Variants in LMX1A observed in about 807,000 individuals in gnomAD.
LMX1A encodes LIM homeobox transcription factor 1-alpha.
In LMX1A, 15 loss-of-function variants were observed where a neutral mutation model predicts 49.1. The ratio of observed to expected loss-of-function variants is 0.31; its 90% CI spans 0.20 to 0.47. The LOEUF is 0.47. LMX1A is among the 20% of genes least tolerant of loss of function. The pLI is 1.00. For missense variants in LMX1A, 372 were observed against 475.8 expected, an observed-to-expected ratio of 0.78 and a Z score of 2.03; for synonymous variants, 167 against 185.7, an observed-to-expected ratio of 0.90 and a Z score of 0.82.
At chr1:165,317,620 G>C (rs535421044) in intron 3 of LMX1A, among the ~76,000 whole-genome samples, 2 of 152,286 alleles carry the variant, frequency 1.3e-5, no homozygotes, top group South Asian at 4.1e-4. Context: ...AATAGAAGAG[G>C]ACAAAATCCT....
At chr1:165,232,132 A>G (rs1399090411) in intron 4 of LMX1A, among the ~76,000 whole-genome samples, 1 of 152,242 alleles carries the variant, frequency 6.6e-6, no homozygotes, top group East Asian at 1.9e-4. Context: ...CAAGGTCCAC[A>G]GAGCAGGGAA....
chr1:165,327,765 C>T (rs1265326766), intron 3 of LMX1A, among the ~76,000 whole-genome samples: 2 of 152,230 alleles, frequency 1.3e-5, no homozygotes, highest in Non-Finnish European at 2.9e-5. Flanking sequence ...AGCCCAAATC[C>T]AGTCCCTCTT....
chr1:165,224,054 G>A (rs546187322), intron 4 of LMX1A, among the ~76,000 whole-genome samples: 20 of 152,160 alleles, frequency 1.3e-4, no homozygotes, highest in Non-Finnish European at 1.6e-4. Flanking sequence ...TGGATCATGG[G>A]GGCAGTTTCT....
intron 4 of LMX1A, among the ~76,000 whole-genome samples, chr1:165,214,554 G>A (rs906622208): frequency 3.9e-5 from 6 of 152,176 alleles, no homozygotes; most frequent in African/African-American, 1.2e-4. Context: ...ATACCAGTAC[G>A]GCACTGAGTG....
At chr1:165,218,776 T>G (rs1651729327) in intron 4 of LMX1A, 1 of 152,124 alleles carries the variant, frequency 6.6e-6, no homozygotes, top group Admixed American at 6.6e-5. Flanking sequence ...AGCAGAGCAG[T>G]GAAGTGGAGG....
intron 3 of LMX1A, among the ~76,000 whole-genome samples, chr1:165,337,340 T>C (rs1390290507): frequency 6.6e-6 from 1 of 152,150 alleles, no homozygotes; most frequent in Non-Finnish European, 1.5e-5. Context: ...GAAGGGAAGA[T>C]TGAAAAGCAA....
rs572940131 is a variant in LMX1A at position 165,314,080 on chromosome 1, C to A, written c.263+38996G>T. 2.6e-4 allele frequency among the ~76,000 whole-genome samples: 39 copies of A among 152,294 alleles called. No individual in the cohort carries two copies. The South Asian group carries it at 5.0e-3, about 19-fold the overall frequency. Reference sequence around the variant, plus strand: ...AGTGTTAACAACAGAGAGAGGCAACCAAGCCAGCTCCCTAAGCCAGGCAGC... The same window carrying A: ...AGTGTTAACAACAGAGAGAGGCAACAAAGCCAGCTCCCTAAGCCAGGCAGC... On this transcript the variant is annotated intron_variant, in intron 3 of 8. Transcript: ENST00000342310.
chr1:165,230,997 A>C (rs950115287), intron 4 of LMX1A, among the ~76,000 whole-genome samples: 1 of 152,220 alleles, frequency 6.6e-6, no homozygotes, highest in African/African-American at 2.4e-5. Flanking sequence ...TAACACTCTG[A>C]ATATTTGTTA....
At chr1:165,324,740 T>C (rs1407495618) in intron 3 of LMX1A, among the ~76,000 whole-genome samples, 2 of 152,212 alleles carry the variant, frequency 1.3e-5, no homozygotes. Flanking sequence ...ATGATCTTTA[T>C]ACCAGCCTTA....
intron 8 of LMX1A, among the ~76,000 whole-genome samples, chr1:165,204,698 T>C (rs1455842624): frequency 6.6e-6 from 1 of 152,212 alleles, no homozygotes; most frequent in African/African-American, 2.4e-5. Context: ...ATACAACTTG[T>C]CATGGGGCTT....
intron 3 of LMX1A, among the ~76,000 whole-genome samples, chr1:165,303,413 T>C (rs988935171): frequency 3.3e-5 from 5 of 152,250 alleles, no homozygotes; most frequent in Admixed American, 2.6e-4. Flanking sequence ...CATGGTTGGC[T>C]GACCTTGTAC....
chr1:165,216,510 C>T (rs1311071764), intron 4 of LMX1A, among the ~76,000 whole-genome samples: 1 of 152,148 alleles, frequency 6.6e-6, no homozygotes, highest in Admixed American at 6.5e-5. Context: ...AGATCTCCTT[C>T]AAGGTAGGCA....
Position 165,282,383 on chromosome 1 carries a change from C to A in LMX1A, c.264-32743G>T, listed in dbSNP as rs186847628. On this transcript the variant is annotated intron_variant, in intron 3 of 8. Coordinates refer to ENST00000342310, the MANE Select transcript of LMX1A (RefSeq NM_177398.4). ...AAATGTAGTATGTGCATGTAACCTA[C>A]GCACACCCTTCTGTATACTTTCATT... 3.3e-3 allele frequency among the ~76,000 whole-genome samples: 503 copies of A among 152,328 alleles called. 4 individuals carry two copies. Among genetic ancestry groups the A allele is most frequent in the Non-Finnish European group, 3.0e-3 (205 of 68,040 alleles).
At chr1:165,298,792 T>A (rs1479158704) in intron 3 of LMX1A, among the ~76,000 whole-genome samples, 1 of 152,212 alleles carries the variant, frequency 6.6e-6, no homozygotes, top group Non-Finnish European at 1.5e-5. Context: ...TACAGAACAC[T>A]GGACAGCCAC....
At chr1:165,295,599 A>C (rs1654593963) in intron 3 of LMX1A, among the ~76,000 whole-genome samples, 1 of 152,000 alleles carries the variant, frequency 6.6e-6, no homozygotes, top group African/African-American at 2.4e-5. Context: ...AAAGCCACCT[A>C]ACTGAAATCA....
At chr1:165,332,138 G>T (rs574248642) in intron 3 of LMX1A, among the ~76,000 whole-genome samples, 4 of 151,922 alleles carry the variant, frequency 2.6e-5, no homozygotes, top group Non-Finnish European at 5.9e-5. Flanking sequence ...ATGTGAAGAG[G>T]TATAGGTTAA....
chr1:165,342,161 T>C (rs1397229457), intron 3 of LMX1A, among the ~76,000 whole-genome samples: 1 of 152,238 alleles, frequency 6.6e-6, no homozygotes, highest in East Asian at 1.9e-4. Context: ...TTATCACTTT[T>C]TGATCCAGCT....
chr1:165,339,520 T>C (rs1040476532), intron 3 of LMX1A, among the ~76,000 whole-genome samples: 2 of 152,150 alleles, frequency 1.3e-5, no homozygotes, highest in Non-Finnish European at 2.9e-5. Flanking sequence ...CGCATTGAGA[T>C]GACTGGTATC....
At chr1:165,271,971 G>T (rs1653807571) in intron 3 of LMX1A, among the ~76,000 whole-genome samples, 1 of 152,170 alleles carries the variant, frequency 6.6e-6, no homozygotes, top group South Asian at 2.1e-4. Context: ...TACCATGTTG[G>T]ACAGCACAGA....
Sources: gnomAD v4.1 joint callset for allele counts (sites outside exome capture counted in the v4.1 genomes callset) on GRCh38, gnomAD v4.1.1 for gene constraint, MANE v1.5 for transcripts, NCBI Gene and HGNC (gene_info 2026-07-23, HGNC 2026-07-21) for gene names.